The following UBAP1 variants were observed in gnomAD, a reference collection of about 807,000 sequenced individuals.
UBAP1 encodes ubiquitin associated protein 1.
A neutral mutation model predicts 39.0 loss-of-function variants in UBAP1; 5 were observed. That is an observed-to-expected ratio of 0.13 (90% CI 0.07 to 0.27). The LOEUF is 0.27. Ranked by LOEUF, UBAP1 falls within the 10% of genes least tolerant of loss-of-function variation. The probability of loss-of-function intolerance (pLI) is 1.00; values close to 1 mark genes in which losing one functional copy is unlikely to be tolerated. For synonymous variants in UBAP1, 211 were observed against 225.1 expected, an observed-to-expected ratio of 0.94 and a Z score of 0.56; for missense variants, 490 against 608.1, an observed-to-expected ratio of 0.81 and a Z score of 2.04.
chr9:34,202,991 G>A (rs1436720811), intron 1 of UBAP1, among the ~76,000 whole-genome samples: 30 of 152,058 alleles, frequency 2.0e-4, no homozygotes. Flanking sequence ...TGCTTGAGAT[G>A]TATTCCTTAA....
intron 1 of UBAP1, among the ~76,000 whole-genome samples, chr9:34,215,505 T>C (rs2131563568): frequency 7.2e-6 from 1 of 139,088 alleles, no homozygotes; most frequent in East Asian, 2.4e-4. Context: ...GGCATAAGAA[T>C]GATACAGTGG....
At chr9:34,232,571 C>T (rs1017683811) in intron 2 of UBAP1, among the ~76,000 whole-genome samples, 5 of 152,240 alleles carry the variant, frequency 3.3e-5, no homozygotes, top group Non-Finnish European at 5.9e-5. Context: ...ACCCATTCCC[C>T]CAAGGGTTGG....
intron 1 of UBAP1, among the ~76,000 whole-genome samples, chr9:34,213,819 A>G (rs1832148162): frequency 6.6e-6 from 1 of 152,152 alleles, no homozygotes; most frequent in South Asian, 2.1e-4. Context: ...AGAATTCAGC[A>G]AAGTTTCTGG....
intron 4 of UBAP1, 74 bp from the exon 5 acceptor site, chr9:34,249,705 C>G (rs1834367981): frequency 4.8e-6 from 7 of 1,459,278 alleles, no homozygotes; most frequent in Non-Finnish European, 5.7e-6. Context: ...ATGCCAACCC[C>G]TGGACTAGGC....
intron 1 of UBAP1, among the ~76,000 whole-genome samples, chr9:34,194,658 G>A (rs1360830617): frequency 1.3e-5 from 2 of 152,112 alleles, no homozygotes; most frequent in Non-Finnish European, 2.9e-5. Context: ...TCCACTATTA[G>A]AATATTTATA....
intron 2 of UBAP1, among the ~76,000 whole-genome samples, chr9:34,230,558 A>C (rs1833355184): frequency 2.6e-5 from 4 of 152,212 alleles, no homozygotes; most frequent in African/African-American, 4.8e-5. Context: ...TTTCAATAAC[A>C]TTTGAGTCCC....
At chr9:34,246,148 C>T (rs1449476456) in intron 4 of UBAP1, among the ~76,000 whole-genome samples, 1 of 152,064 alleles carries the variant, frequency 6.6e-6, no homozygotes, top group Non-Finnish European at 1.5e-5. Context: ...CTCACTGCAG[C>T]CTCGACCTCC....
intron 2 of UBAP1, among the ~76,000 whole-genome samples, chr9:34,232,550 A>T (rs1833478885): frequency 6.6e-6 from 1 of 152,166 alleles, no homozygotes; most frequent in South Asian, 2.1e-4. Flanking sequence ...TGGGAAAGAG[A>T]TGGAAAAGAC....
intron 1 of UBAP1, among the ~76,000 whole-genome samples, chr9:34,183,298 C>T (rs557089808): frequency 1.3e-5 from 2 of 151,710 alleles, no homozygotes; most frequent in Non-Finnish European, 2.9e-5. Flanking sequence ...AATCCCAGCA[C>T]TTTGGGGGGC....
intron 2 of UBAP1, among the ~76,000 whole-genome samples, chr9:34,229,563 G>A (rs1486221341): frequency 6.8e-6 from 1 of 147,318 alleles, no homozygotes; most frequent in Non-Finnish European, 1.5e-5. Flanking sequence ...GCCTGACATG[G>A]AGTCTTGCTC....
intron 1 of UBAP1, among the ~76,000 whole-genome samples, chr9:34,183,775 G>GTT (rs572466305): frequency 2.2e-5 from 3 of 139,478 alleles, no homozygotes; most frequent in African/African-American, 5.2e-5. Flanking sequence ...TTTGTTTTTT[G>GTT]TTTTTTTTTT....
intron 1 of UBAP1, among the ~76,000 whole-genome samples, chr9:34,195,942 T>G (rs1466619843): frequency 1.4e-4 from 16 of 112,912 alleles, no homozygotes; most frequent in Non-Finnish European, 2.3e-4. Flanking sequence ...TTTTTTTTTT[T>G]TTTTTTTTTT....
At position 34,252,044 on chromosome 9, in the gene UBAP1, C is replaced by G. The variant is rs1262549906; in HGVS notation, c.*512C>G. The G allele has an allele frequency of 6.5e-6, 1 of 153,466 alleles. No individual in the cohort carries two copies. Among genetic ancestry groups the G allele is most frequent in the Non-Finnish European group, 1.5e-5 (1 of 68,612 alleles). The allele number at this position is 153,466 out of a possible 1,614,324, so 9.5% of individuals were successfully genotyped here. A position where few individuals can be genotyped will look rare whatever the true frequency, so the allele number is the denominator to read the frequency against. The stretch of plus-strand genomic sequence containing the variant: ...CTAACAAAGTCTCATAGTGTTAACA[C>G]TGGTTCTGCAATATCTCTGAGGTGC... On this transcript the variant is annotated 3_prime_UTR_variant, in exon 7 of 7. Coordinates refer to ENST00000297661, the MANE Select transcript of UBAP1 (RefSeq NM_016525.5).
intron 1 of UBAP1, among the ~76,000 whole-genome samples, chr9:34,203,383 T>G (rs1043743439): frequency 6.6e-6 from 1 of 152,212 alleles, no homozygotes; most frequent in Non-Finnish European, 1.5e-5. Context: ...TCTGTCAGTT[T>G]TTGGTATCAG....
intron 1 of UBAP1, among the ~76,000 whole-genome samples, chr9:34,220,156 T>G (rs1464725054): frequency 2.5e-5 from 1 of 40,090 alleles, no homozygotes; most frequent in Non-Finnish European, 4.7e-5. Context: ...TCTCCTGCCC[T>G]CTCCTCTCTT....
chr9:34,218,523 A>AGC (rs1832475785), intron 1 of UBAP1, among the ~76,000 whole-genome samples: 2 of 61,024 alleles, frequency 3.3e-5, no homozygotes, highest in South Asian at 2.0e-3. Flanking sequence ...GCATATTCAC[A>AGC]ACTCATTGCT....
At chr9:34,221,092 C>G in intron 2 of UBAP1, 144 bp downstream of exon 2, 1 of 699,270 alleles carries the variant, frequency 1.4e-6, no homozygotes, top group Middle Eastern at 4.0e-4. Context: ...AACAATGTAT[C>G]AAGTATATCT....
Position 34,242,054 on chromosome 9 carries a change from C to T in UBAP1, c.1029C>T (p.Leu343=), listed in dbSNP as rs373850746. 1.9e-5 allele frequency: 31 copies of T among 1,613,948 alleles called. 1 individual carries two copies. In the South Asian group the frequency reaches 3.3e-4, roughly 17 times the overall value. ...PALTSSQMPS[L]SVLSVCTEES... ...TGACATCCTCCCAGATGCCTTCCCT[C>T]TCTGTTTTGTCTGTGTGCACAGAGG... is the stretch of plus-strand genomic sequence containing the variant. The change falls in exon 4 of 7, where the codon CTC becomes CTT. Residue 343 remains leucine (L), a synonymous_variant. Coordinates refer to ENST00000297661, the MANE Select transcript of UBAP1 (RefSeq NM_016525.5).
At chr9:34,228,656 G>T (rs570912955) in intron 2 of UBAP1, among the ~76,000 whole-genome samples, 2 of 141,444 alleles carry the variant, frequency 1.4e-5, no homozygotes, top group Non-Finnish European at 3.0e-5. Context: ...TGCCGCCTCC[G>T]CCTCCTGGGT....
Sources: gnomAD v4.1 joint callset for allele counts (sites outside exome capture counted in the v4.1 genomes callset) on GRCh38, gnomAD v4.1.1 for gene constraint, MANE v1.5 for transcripts, NCBI Gene and HGNC (gene_info 2026-07-23, HGNC 2026-07-21) for gene names.